The following ZNF804B variants were observed in gnomAD, a reference collection of about 807,000 sequenced individuals.
ZNF804B encodes the protein zinc finger protein 804B, also known as zinc finger 804B.
Under a neutral mutation model 101.4 loss-of-function variants are expected in ZNF804B, and 80 were observed. That is an observed-to-expected ratio of 0.79 (90% confidence interval 0.66 to 0.95). The LOEUF is 0.95. Among genes scored for constraint, ZNF804B ranks in the 40% least tolerant of loss-of-function variants. The pLI is 0.00. For synonymous variants in ZNF804B, 622 were observed against 558.8 expected (o/e 1.11, Z -1.59); for missense variants, 1,673 against 1,561.9 (o/e 1.07, Z -1.20).
At chr7:89,281,118 G>A (rs1207237044) in intron 2 of ZNF804B, among the ~76,000 whole-genome samples, 1 of 152,158 alleles carries the variant, frequency 6.6e-6, no homozygotes, top group African/African-American at 2.4e-5. Context: ...GATTTATATT[G>A]TGGAATGCAT....
At chr7:88,891,747 C>CT (rs1009788886) in intron 1 of ZNF804B, among the ~76,000 whole-genome samples, 2 of 149,612 alleles carry the variant, frequency 1.3e-5, no homozygotes, top group Admixed American at 6.7e-5. Flanking sequence ...TTTGATGTTT[C>CT]TTTTTTTTAT....
chr7:89,154,734 G>C (rs1739585258), intron 1 of ZNF804B, among the ~76,000 whole-genome samples: 1 of 152,068 alleles, frequency 6.6e-6, no homozygotes, highest in Non-Finnish European at 1.5e-5. Context: ...GGGGGGCTGG[G>C]AGGGAAAAGT....
At chr7:88,983,153 G>A (rs1211833302) in intron 1 of ZNF804B, among the ~76,000 whole-genome samples, 1 of 152,022 alleles carries the variant, frequency 6.6e-6, no homozygotes, top group Non-Finnish European at 1.5e-5. Context: ...ACTGTGGTCT[G>A]GATCAAAAGC....
rs1396015488 is a variant in ZNF804B, at chr7:89,219,990, CA to C, written c.249+1696del. ...ATATATATGTATATACATATGTGTG[CA>C]TATATGTATATGCACATATATGTGT... On this transcript the variant is annotated intron_variant, in intron 2 of 3. Transcript: ENST00000333190. Among the ~76,000 whole-genome samples, 4 of 18,678 alleles carry C rather than the reference CA, an allele frequency of 2.1e-4. 1 individual carries two copies. The highest frequency in any genetic ancestry group is 1.9e-3 in the Admixed American group (4 of 2,154). 12.3% of individuals were successfully genotyped at this position (18,678 alleles called of 152,430 possible).
chr7:89,334,727 T>C lies in ZNF804B; in HGVS notation c.1745T>C (p.Leu582Pro). ...DLEMKNPKVP[L>P]YLNTSLKDCA... ...GAAATGAAAAATCCTAAAGTGCCTC[T>C]TTACCTCAACACATCTCTAAAGGAT... The change falls in exon 4 of 4, where the codon CTT (leucine) becomes CCT (proline). Residue 582 changes from leucine to proline, a missense_variant. Leu to Pro is a moderately conservative substitution (Grantham distance 98). Transcript: ENST00000333190. 6.2e-7 allele frequency: 1 copy of C among 1,613,758 alleles called. No homozygotes were observed. Among genetic ancestry groups the C allele is most frequent in the African/African-American group, 1.3e-5 (1 of 75,004 alleles).
In ZNF804B at chr7:89,107,122, G is replaced by A. The variant is rs139952073; in HGVS notation, c.109-111033G>A. Among the ~76,000 whole-genome samples the A allele has an allele frequency of 1.6e-3, 240 of 152,178 alleles. 2 individuals are homozygous for A. The East Asian group carries it at 0.019, about 12-fold the overall frequency. On this transcript the variant is annotated intron_variant, in intron 1 of 3. Transcript: ENST00000333190. The stretch of plus-strand genomic sequence containing the variant: ...CATATTCCAATTGGAAATTGCCCTG[G>A]TAGTTTTACATATTAGTTAATAAGT...
intron 1 of ZNF804B, among the ~76,000 whole-genome samples, chr7:89,210,445 A>G (rs574787755): frequency 3.9e-5 from 6 of 152,098 alleles, no homozygotes; most frequent in Non-Finnish European, 5.9e-5. Flanking sequence ...CCCATCACCT[A>G]GGTATTAAGC....
At chr7:88,961,347 C>A (rs11765606) in intron 1 of ZNF804B, among the ~76,000 whole-genome samples, 1 of 151,086 alleles carries the variant, frequency 6.6e-6, no homozygotes, top group African/African-American at 2.4e-5. Context: ...TAATCTTTAA[C>A]GTGGTTGTTT....
chr7:88,856,959 A>T (rs530129426), intron 1 of ZNF804B, among the ~76,000 whole-genome samples: 1 of 152,234 alleles, frequency 6.6e-6, no homozygotes, highest in East Asian at 1.9e-4. Flanking sequence ...GATGAAGCCC[A>T]CTTGATCATG....
rs73705737 is a variant in ZNF804B, at chr7:89,135,966, A to T, written c.109-82189A>T. ...ATTGATAGATCAGATAAAGTAGAAA[A>T]CTGAGAAATAGCAAAAATTTATGTT... On this transcript the variant is annotated intron_variant, in intron 1 of 3. Coordinates refer to ENST00000333190, the MANE Select transcript of ZNF804B (RefSeq NM_181646.5). Among the ~76,000 whole-genome samples, 146 of 152,242 alleles carry T rather than the reference A, an allele frequency of 9.6e-4. 1 individual carries two copies. The highest frequency in any genetic ancestry group is 3.3e-3 in the African/African-American group (139 of 41,576).
At chr7:89,065,174 A>C (rs1789440593) in intron 1 of ZNF804B, among the ~76,000 whole-genome samples, 1 of 152,150 alleles carries the variant, frequency 6.6e-6, no homozygotes, top group South Asian at 2.1e-4. Flanking sequence ...TCATGTGAGC[A>C]AGTAAACTAC....
chr7:89,191,825 G>T (rs1466405131), intron 1 of ZNF804B, among the ~76,000 whole-genome samples: 3 of 152,126 alleles, frequency 2.0e-5, no homozygotes, highest in Admixed American at 2.0e-4. Context: ...ATGTCAAAGT[G>T]TGATAGGTGG....
At chr7:89,022,111 G>A (rs1444968422) in intron 1 of ZNF804B, among the ~76,000 whole-genome samples, 1 of 152,074 alleles carries the variant, frequency 6.6e-6, no homozygotes, top group South Asian at 2.1e-4. Flanking sequence ...CATCATAGGA[G>A]ACAGGATAGT....
chr7:89,191,932 C>T (rs905523712), intron 1 of ZNF804B, among the ~76,000 whole-genome samples: 1 of 151,846 alleles, frequency 6.6e-6, no homozygotes, highest in Non-Finnish European at 1.5e-5. Context: ...GTATAATTTA[C>T]AAAAACTATG....
At chr7:89,034,579 C>T (rs1320194137) in intron 1 of ZNF804B, among the ~76,000 whole-genome samples, 1 of 151,288 alleles carries the variant, frequency 6.6e-6, no homozygotes, top group Non-Finnish European at 1.5e-5. Context: ...AAGGCATGAA[C>T]TCATCCTTTT....
chr7:88,953,213 A>G (rs1793251392), intron 1 of ZNF804B, among the ~76,000 whole-genome samples: 1 of 151,734 alleles, frequency 6.6e-6, no homozygotes, highest in Admixed American at 6.6e-5. Flanking sequence ...TTCATTCTCC[A>G]GTTTGCTCAA....
At chr7:89,262,726 ATAAT>A (rs1277290917) in intron 2 of ZNF804B, among the ~76,000 whole-genome samples, 1 of 152,032 alleles carries the variant, frequency 6.6e-6, no homozygotes, top group Non-Finnish European at 1.5e-5. Flanking sequence ...TTTAGTCTAT[ATAAT>A]TAGAGTTTGC....
chr7:89,105,657 C>T (rs1034740804), intron 1 of ZNF804B, among the ~76,000 whole-genome samples: 9 of 152,066 alleles, frequency 5.9e-5, no homozygotes, highest in Non-Finnish European at 8.8e-5. Flanking sequence ...ACCAAAGGTA[C>T]GGGGCTTTCG....
intron 1 of ZNF804B, among the ~76,000 whole-genome samples, chr7:88,900,382 G>A (rs1336819566): frequency 6.6e-6 from 1 of 151,542 alleles, no homozygotes; most frequent in Non-Finnish European, 1.5e-5. Flanking sequence ...GATTTTACTT[G>A]CTTTAAAAAA....
Sources: allele counts gnomAD v4.1 joint callset (sites outside exome capture counted in the v4.1 genomes callset), GRCh38; gene constraint gnomAD v4.1.1; transcripts MANE v1.5; gene names NCBI Gene and HGNC (gene_info 2026-07-23, HGNC 2026-07-21).